Variants in SYN3 observed in about 807,000 individuals in gnomAD.
SYN3 encodes synapsin III.
Under a neutral mutation model 65.8 loss-of-function variants are expected in SYN3, and 35 were observed. That is an observed-to-expected ratio of 0.53 (90% CI 0.41 to 0.70). The LOEUF is 0.70. Ranked by LOEUF, SYN3 falls within the 30% of genes least tolerant of loss-of-function variation. SYN3 has a pLI of 0.00. For synonymous variants in SYN3, 270 were observed against 292.9 expected, an observed-to-expected ratio of 0.92 and a Z score of 0.80; for missense variants, 680 against 749.0, an observed-to-expected ratio of 0.91 and a Z score of 1.08.
chr22:32,862,096 G>A (rs1388956957), intron 6 of SYN3: 1 of 152,398 alleles, frequency 6.6e-6, no homozygotes, highest in East Asian at 1.9e-4. Flanking sequence ...TCCTGGAGTA[G>A]GAAAAAAGTT....
chr22:32,576,477 C>T (rs553352137), intron 7 of SYN3, among the ~76,000 whole-genome samples: 1 of 152,204 alleles, frequency 6.6e-6, no homozygotes, highest in African/African-American at 2.4e-5. Context: ...ACCTAGTATG[C>T]GGTCAATAAA....
chr22:32,766,813 T>A (rs2045639013), intron 6 of SYN3, among the ~76,000 whole-genome samples: 1 of 152,206 alleles, frequency 6.6e-6, no homozygotes, highest in Non-Finnish European at 1.5e-5. Flanking sequence ...GAGGTTTACT[T>A]TGGTTGAGTG....
chr22:32,510,859 ATCT>A lies in SYN3; in HGVS notation c.*2830_*2832del, dbSNP rs139134970. ...CGTGTGACTTATACTAGTGATCCCT[ATCT>A]TCTTGGGGGCAAGTGGGGAAGCCAT... On this transcript the variant is annotated 3_prime_UTR_variant, in exon 14 of 14. Transcript: ENST00000358763. 7.0e-3 allele frequency among the ~76,000 whole-genome samples: 1,060 copies of A among 151,920 alleles called. 9 individuals are homozygous for A. The highest frequency in any genetic ancestry group is 0.023 in the African/African-American group (954 of 41,420).
At chr22:33,025,429 G>C (rs534667963) in intron 1 of SYN3, among the ~76,000 whole-genome samples, 1 of 78,910 alleles carries the variant, frequency 1.3e-5, no homozygotes, top group East Asian at 2.7e-4. Flanking sequence ...GCAAGACTCC[G>C]TCTCAAAAAA....
At chr22:32,713,822 C>T (rs564286659) in intron 6 of SYN3, among the ~76,000 whole-genome samples, 2 of 137,972 alleles carry the variant, frequency 1.4e-5, no homozygotes, top group East Asian at 4.7e-4. Context: ...CAGAGCAAGA[C>T]CCCGTCTCAA....
intron 4 of SYN3, among the ~76,000 whole-genome samples, chr22:32,891,765 C>A (rs1306818798): frequency 6.6e-6 from 1 of 152,060 alleles, no homozygotes; most frequent in Non-Finnish European, 1.5e-5. Flanking sequence ...CCGTATAACT[C>A]ATTCAGCCCC....
At chr22:32,780,479 C>T (rs1251745084) in intron 6 of SYN3, among the ~76,000 whole-genome samples, 1 of 152,264 alleles carries the variant, frequency 6.6e-6, no homozygotes, top group South Asian at 2.1e-4. Flanking sequence ...GTATTTTCTA[C>T]CTGTGTTATC....
At chr22:32,991,723 C>T (rs1171526526) in intron 2 of SYN3, among the ~76,000 whole-genome samples, 8 of 152,170 alleles carry the variant, frequency 5.3e-5, no homozygotes, top group African/African-American at 1.9e-4. Flanking sequence ...CCCCTAATTT[C>T]GCTAAGCCTA....
intron 7 of SYN3, among the ~76,000 whole-genome samples, chr22:32,584,546 T>C (rs183116914): frequency 1.0e-3 from 154 of 152,334 alleles, no homozygotes; most frequent in Non-Finnish European, 1.9e-3. Context: ...GGAAATCTTA[T>C]TGCTTTTCAA....
intron 1 of SYN3, among the ~76,000 whole-genome samples, chr22:33,015,790 T>C (rs1273015216): frequency 6.6e-6 from 1 of 152,170 alleles, no homozygotes; most frequent in African/African-American, 2.4e-5. Flanking sequence ...TATTTTTCCA[T>C]TTTACTGACA....
intron 2 of SYN3, among the ~76,000 whole-genome samples, chr22:32,981,887 C>T (rs867386442): frequency 1.4e-4 from 22 of 152,246 alleles, no homozygotes; most frequent in Admixed American, 2.0e-4. Context: ...CCTGTCTCCC[C>T]TACCCTTTGA....
intron 6 of SYN3, among the ~76,000 whole-genome samples, chr22:32,756,965 G>C (rs1041824611): frequency 2.0e-5 from 3 of 151,742 alleles, no homozygotes; most frequent in Admixed American, 1.3e-4. Flanking sequence ...TCAGTGACTT[G>C]ATTTTTTGAA....
intron 6 of SYN3, among the ~76,000 whole-genome samples, chr22:32,766,760 A>T (rs1284667803): frequency 1.3e-5 from 2 of 152,190 alleles, no homozygotes; most frequent in African/African-American, 2.4e-5. Flanking sequence ...CTCTAAATAA[A>T]TAAAGTATCA....
At chr22:32,711,178 A>G (rs2060960586) in intron 6 of SYN3, among the ~76,000 whole-genome samples, 1 of 152,224 alleles carries the variant, frequency 6.6e-6, no homozygotes, top group South Asian at 2.1e-4. Context: ...CACCCTACAC[A>G]GCCCATAACA....
At chr22:32,784,311 A>G (rs574261484) in intron 6 of SYN3, among the ~76,000 whole-genome samples, 2 of 152,372 alleles carry the variant, frequency 1.3e-5, no homozygotes, top group South Asian at 4.1e-4. Flanking sequence ...ATCATGTTAC[A>G]TGAGGCTGGA....
At chr22:32,575,872 C>CA (rs1250193495) in intron 7 of SYN3, among the ~76,000 whole-genome samples, 4 of 151,262 alleles carry the variant, frequency 2.6e-5, no homozygotes, top group Admixed American at 6.6e-5. Context: ...TTCCTCAAGA[C>CA]AAAAAACAAA....
chr22:32,754,978 C>T (rs1023698161), intron 6 of SYN3, among the ~76,000 whole-genome samples: 9 of 152,326 alleles, frequency 5.9e-5, no homozygotes, highest in Middle Eastern at 3.4e-3. Flanking sequence ...CTAACCTCTG[C>T]TCCCCCTGCA....
chr22:32,601,594 CT>C (rs2059285015), intron 6 of SYN3, among the ~76,000 whole-genome samples: 1 of 152,216 alleles, frequency 6.6e-6, no homozygotes, highest in Non-Finnish European at 1.5e-5. Context: ...CCATTTTTTA[CT>C]TTGACTTGTG....
At chr22:32,670,812 CG>C (rs2030917243) in intron 6 of SYN3, among the ~76,000 whole-genome samples, 1 of 152,168 alleles carries the variant, frequency 6.6e-6, no homozygotes, top group African/African-American at 2.4e-5. Context: ...CTACTTTTAT[CG>C]TAAGTGATGA....
Sources: gnomAD v4.1 joint callset for allele counts (sites outside exome capture counted in the v4.1 genomes callset) on GRCh38, gnomAD v4.1.1 for gene constraint, MANE v1.5 for transcripts, NCBI Gene and HGNC (gene_info 2026-07-23, HGNC 2026-07-21) for gene names.